Variants in IRF6 observed in about 807,000 individuals in gnomAD.
The protein encoded by IRF6 is interferon regulatory factor 6, also known as Van der Woude syndrome.
A neutral mutation model predicts 51.4 loss-of-function variants in IRF6; 6 were observed. The observed-to-expected ratio is 0.12, with a 90% CI of 0.06 to 0.23. IRF6 has a LOEUF of 0.23. IRF6 is among the 10% of genes least tolerant of loss of function. The probability of loss-of-function intolerance (pLI) is 1.00; values close to 1 mark genes in which losing one functional copy is unlikely to be tolerated. For missense variants in IRF6, 348 were observed against 585.2 expected (o/e 0.59, Z 4.18); for synonymous variants, 178 against 215.7 (o/e 0.83, Z 1.53).
chr1:209,797,688 C>A (rs894842716), intron 3 of IRF6, among the ~76,000 whole-genome samples: 1 of 152,154 alleles, frequency 6.6e-6, no homozygotes. Flanking sequence ...AAATCTAAGC[C>A]GCTCAAGTCA....
At chr1:209,792,685 A>T in intron 5 of IRF6, 1 of 533,608 alleles carries the variant, frequency 1.9e-6, no homozygotes, top group Non-Finnish European at 3.4e-6. Flanking sequence ...TAACATAGAC[A>T]TGTGAGTTTT....
At chr1:209,802,837 G>A (rs1173667130) in intron 1 of IRF6, among the ~76,000 whole-genome samples, 1 of 152,232 alleles carries the variant, frequency 6.6e-6, no homozygotes, top group East Asian at 1.9e-4. Context: ...TCAGCTGAAG[G>A]CTCCTACTCA....
chr1:209,792,226 A>G (rs1188773700), intron 6 of IRF6, 43 bp downstream of exon 6: 1 of 1,589,836 alleles, frequency 6.3e-7, no homozygotes, highest in South Asian at 1.1e-5. Context: ...AGAGTCTATA[A>G]TAGAAGCAGA....
rs2077903939 is a variant in IRF6 at position 209,796,670 on chromosome 1, CACACACAA to C, written c.175-126_175-119del. 1.3e-6 allele frequency: 1 copy of C among 789,972 alleles called. No individual in the cohort carries two copies. The highest frequency in any genetic ancestry group is 1.8e-5 in the African/African-American group (1 of 56,898). 48.9% of individuals were successfully genotyped at this position (789,972 alleles called of 1,614,324 possible). On this transcript the variant is annotated intron_variant, in intron 3 of 8. Transcript: ENST00000367021. This position sits in a 1 kb window ranked among gnomAD's most constrained non-coding sequence, Gnocchi z 4.5. ...ACACACACACACACACACACACACA[CACACACAA>C]CTTTTGCATGACTGCCCCATCATCC...
chr1:209,795,465 G>A, intron 4 of IRF6, 47 bp from the exon 5 acceptor site: 1 of 1,610,784 alleles, frequency 6.2e-7, no homozygotes, highest in South Asian at 1.1e-5. Context: ...AGGTTGCACT[G>A]CCACCCCTGC....
intron 1 of IRF6, among the ~76,000 whole-genome samples, chr1:209,805,658 G>A (rs926317608): frequency 6.6e-5 from 10 of 152,208 alleles, no homozygotes; most frequent in African/African-American, 2.4e-4. Flanking sequence ...CTACCGGATA[G>A]TGGGGTTGTT....
intron 6 of IRF6, among the ~76,000 whole-genome samples, chr1:209,791,272 G>A (rs1429169255): frequency 1.3e-5 from 2 of 152,180 alleles, no homozygotes; most frequent in Non-Finnish European, 2.9e-5. Context: ...ATTGTTTAAA[G>A]AAACTTGAGG....
intron 5 of IRF6, 71 bp from the exon 6 acceptor site, chr1:209,792,498 C>T: frequency 6.5e-7 from 1 of 1,534,960 alleles, no homozygotes; most frequent in Middle Eastern, 2.2e-4. Flanking sequence ...GCTCTGAGAA[C>T]TCACAAGGTC....
At chr1:209,795,614 C>T (rs2077896414) in intron 4 of IRF6, among the ~76,000 whole-genome samples, 196 bp from the exon 5 acceptor site, 1 of 152,198 alleles carries the variant, frequency 6.6e-6, no homozygotes, top group African/African-American at 2.4e-5. Context: ...CCTAGATTCA[C>T]TGGAGCACAT....
intron 5 of IRF6, chr1:209,792,849 A>C (rs1205640195): frequency 4.5e-6 from 1 of 224,394 alleles, no homozygotes; most frequent in Non-Finnish European, 9.0e-6. Flanking sequence ...TACCTTTAAC[A>C]ACAAACAAAT....
In IRF6 at chr1:209,806,018, A is replaced by G. The variant is rs1486726453; in HGVS notation, c.-147T>C. On this transcript the variant is annotated 5_prime_UTR_variant, in exon 1 of 9. Transcript: ENST00000367021. ...TCCGCAGCGAAGATCACCCGTCGCT[A>G]CCACGCTCCTCGACGTCTTAGCCAA... 6.6e-6 allele frequency: 1 copy of G among 152,308 alleles called. No individual in the cohort carries two copies. Among genetic ancestry groups the G allele is most frequent in the African/African-American group, 2.4e-5 (1 of 41,462 alleles). 9.4% of individuals were successfully genotyped at this position (152,308 alleles called of 1,614,324 possible). A position where few individuals can be genotyped will look rare whatever the true frequency, so the allele number is the denominator to read the frequency against.
At chr1:209,800,707 T>C (rs1361402223) in intron 3 of IRF6, among the ~76,000 whole-genome samples, 1 of 152,092 alleles carries the variant, frequency 6.6e-6, no homozygotes, top group Non-Finnish European at 1.5e-5. Flanking sequence ...TGCAGTGAGC[T>C]ATGATCATGC....
chr1:209,798,908 CAAAAAAAAA>C (rs61182544), intron 3 of IRF6, among the ~76,000 whole-genome samples: 42,014 of 99,402 alleles, frequency 0.42, 6,365 homozygotes, highest in South Asian at 0.49. Flanking sequence ...GACTCTGTCT[CAAAAAAAAA>C]AAAAAAAAAA....
At chr1:209,795,558 AGAG>A in intron 4 of IRF6, 140 bp from the exon 5 acceptor site, 1 of 1,303,698 alleles carries the variant, frequency 7.7e-7, no homozygotes, top group Non-Finnish European at 1.1e-6. Context: ...CTAGCTAAAA[AGAG>A]TGAGAATCAA....
At chr1:209,798,713 A>G (rs181881575) in intron 3 of IRF6, among the ~76,000 whole-genome samples, 1 of 152,250 alleles carries the variant, frequency 6.6e-6, no homozygotes, top group Non-Finnish European at 1.5e-5. Flanking sequence ...GATTGAGACC[A>G]TCCTGGCCAA....
rs1050315474 is a variant in IRF6 at position 209,786,708 on chromosome 1, A to C, written c.*1712T>G. 6.6e-6 allele frequency: 1 copy of C among 152,022 alleles called. No individual in the cohort carries two copies. The highest frequency in any genetic ancestry group is 2.4e-5 in the African/African-American group (1 of 41,366). The allele number at this position is 152,022 out of a possible 1,614,324, so 9.4% of individuals were successfully genotyped here. A position where few individuals can be genotyped will look rare whatever the true frequency, so the allele number is the denominator to read the frequency against. ...TTCTTAATCTTTTCATGCTTTTCAT[A>C]ATAGCAAATTCCACTAGGTCTCTTA... On this transcript the variant is annotated 3_prime_UTR_variant, in exon 9 of 9. Coordinates refer to ENST00000367021, the MANE Select transcript of IRF6 (RefSeq NM_006147.4).
In IRF6 at chr1:209,789,635, G is replaced by A. The variant is rs200191191; in HGVS notation, c.1179+32C>T. 4.2e-4 allele frequency: 635 copies of A among 1,497,738 alleles called. 1 individual carries two copies. Among genetic ancestry groups the A allele is most frequent in the Non-Finnish European group, 2.8e-4 (299 of 1,074,316 alleles). The allele number at this position is 1,497,738 out of a possible 1,614,324, so 92.8% of individuals were successfully genotyped here. ...GGGGCTTAAGCATTGGCAAAAAGATGAAGAGTTGTTGACACAGCCTTATCT... is the reference window on the plus strand; with the variant it reads ...GGGGCTTAAGCATTGGCAAAAAGATAAAGAGTTGTTGACACAGCCTTATCT... On this transcript the variant is annotated intron_variant, in intron 8 of 8. Transcript: ENST00000367021.
rs2077846859 is a variant in IRF6, at chr1:209,788,386, A to G, written c.*34T>C. 4 of 1,366,072 alleles carry G rather than the reference A, an allele frequency of 2.9e-6. No individual in the cohort carries two copies. The highest frequency in any genetic ancestry group is 4.2e-6 in the Non-Finnish European group (4 of 957,360). 84.6% of individuals were successfully genotyped at this position (1,366,072 alleles called of 1,614,324 possible). A position where few individuals can be genotyped will look rare whatever the true frequency, so the allele number is the denominator to read the frequency against. ...TAAAAAAATCCATATGTACAATATT[A>G]TAAAAAAGAGAAGGAAGAAGATGGC... On this transcript the variant is annotated 3_prime_UTR_variant, in exon 9 of 9. Coordinates refer to ENST00000367021, the MANE Select transcript of IRF6 (RefSeq NM_006147.4).
At chr1:209,789,170 A>G (rs773979882) in intron 8 of IRF6, among the ~76,000 whole-genome samples, 7 of 152,118 alleles carry the variant, frequency 4.6e-5, no homozygotes, top group Non-Finnish European at 1.0e-4. Context: ...TGCTAAAAAT[A>G]AAATTAGGCC....
Sources: allele counts gnomAD v4.1 joint callset (sites outside exome capture counted in the v4.1 genomes callset), GRCh38; gene constraint gnomAD v4.1.1; non-coding constraint Gnocchi (gnomAD v3.1); transcripts MANE v1.5; gene names NCBI Gene and HGNC (gene_info 2026-07-23, HGNC 2026-07-21).